HSPH1: variants seen among roughly 807,000 people sequenced by gnomAD.
The protein encoded by HSPH1 is heat shock protein family H (Hsp110) member 1, also known as heat shock protein 105 kDa.
Under a neutral mutation model 100.0 loss-of-function variants are expected in HSPH1, and 40 were observed. That is an observed-to-expected ratio of 0.40 (90% CI 0.31 to 0.52). HSPH1 has a LOEUF of 0.52. Among genes scored for constraint, HSPH1 ranks in the 20% least tolerant of loss-of-function variants. The pLI is 0.54. For synonymous variants in HSPH1, 403 were observed against 344.0 expected (o/e 1.17, Z -1.90); for missense variants, 876 against 1,015.1 (o/e 0.86, Z 1.86).
At chr13:31,155,479 G>A (rs764868487) in intron 3 of HSPH1, 35 bp downstream of exon 3, 23 of 1,523,902 alleles carry the variant, frequency 1.5e-5, no homozygotes, top group Non-Finnish European at 8.1e-6. Flanking sequence ...GTATTAATAA[G>A]TTGGTATTTT....
chr13:31,144,438 A>G (rs1956201666), intron 11 of HSPH1, among the ~76,000 whole-genome samples: 1 of 152,166 alleles, frequency 6.6e-6, no homozygotes, highest in South Asian at 2.1e-4. Context: ...CTCTGTCCCC[A>G]CTTTCTGTGA....
Position 31,140,361 on chromosome 13 carries a change from AATTCT to A in HSPH1, c.1855-57_1855-53del, listed in dbSNP as rs765756707. 4.5e-6 allele frequency: 7 copies of A among 1,557,266 alleles called. No homozygotes were observed. In the South Asian group the frequency reaches 6.9e-5, roughly 15 times the overall value. The stretch of plus-strand genomic sequence containing the variant: ...CCAGTCTTCTAGTTAACTCAAGCTA[AATTCT>A]AAATATGTAGACTCTGGGGTTTAAA... On this transcript the variant is annotated intron_variant, in intron 13 of 17. Transcript: ENST00000320027.
chr13:31,161,934 A>T (rs1003638656), upstream of HSPH1: 7 of 1,532,390 alleles, frequency 4.6e-6, no homozygotes, highest in East Asian at 9.8e-5. Flanking sequence ...CCTCAGCCTT[A>T]TGTATCGCAC....
intron 12 of HSPH1, among the ~76,000 whole-genome samples, chr13:31,143,073 C>A (rs1956153099): frequency 6.6e-6 from 1 of 152,056 alleles, no homozygotes; most frequent in African/African-American, 2.4e-5. Flanking sequence ...AAACTCTACC[C>A]TCAGAATATA....
At position 31,158,867 on chromosome 13, in the gene HSPH1, G is replaced by T. The variant is rs779127108; in HGVS notation, c.108-4C>A. ...TGATCCAAATGATATGACTGACCTA[G>T]AAAAAAATATATTCCAAAAAATTAA... On this transcript the variant is annotated splice_region_variant and splice_polypyrimidine_tract_variant and intron_variant, in intron 1 of 17. Transcript: ENST00000320027. The T allele has an allele frequency of 1.9e-6, 3 of 1,556,974 alleles. No homozygotes were observed. In the East Asian group the frequency reaches 6.7e-5, roughly 35 times the overall value.
chr13:31,145,554 C>T lies in HSPH1; in HGVS notation c.1584+9G>A. ...CTATTCAAACACAAAGGTTTATCCA[C>T]AAACTTACATCAGTGTCTGGGTTTT... On this transcript the variant is annotated intron_variant, in intron 11 of 17. Transcript: ENST00000320027. 6.2e-7 allele frequency: 1 copy of T among 1,609,984 alleles called. No individual in the cohort carries two copies. Among genetic ancestry groups the T allele is most frequent in the East Asian group, 2.2e-5 (1 of 44,852 alleles).
At chr13:31,140,885 T>C (rs2137544916) in intron 13 of HSPH1, 1 of 338,174 alleles carries the variant, frequency 3.0e-6, no homozygotes. Flanking sequence ...TTATGATTTA[T>C]TGCCATCCAA....
In HSPH1 at chr13:31,138,466, T is replaced by C. The variant is rs776081989; in HGVS notation, c.2311A>G (p.Lys771Glu). The change falls in exon 17 of 18, where the codon AAA becomes GAA. Residue 771 changes from lysine (K) to glutamate (E), a missense_variant. Transcript: ENST00000320027. ...ACTGGATCCTGATCAAGACTCTTTT[T>C]AGCCTGAGCATTCATGACATTATTC... ...WMNNVMNAQA[K>E]KSLDQDPVVR... is the part of the protein sequence containing the mutation. 1.4e-5 allele frequency: 22 copies of C among 1,613,198 alleles called. No individual in the cohort carries two copies. The highest frequency in any genetic ancestry group is 1.7e-5 in the Non-Finnish European group (20 of 1,179,510).
intron 17 of HSPH1, among the ~76,000 whole-genome samples, chr13:31,137,811 T>C (rs971201373): frequency 1.2e-4 from 18 of 152,114 alleles, no homozygotes; most frequent in African/African-American, 4.3e-4. Context: ...TGGAAGACAA[T>C]GGTTCAAAGA....
intron 11 of HSPH1, among the ~76,000 whole-genome samples, chr13:31,144,594 T>C (rs1353023042): frequency 6.6e-6 from 1 of 152,166 alleles, no homozygotes; most frequent in Non-Finnish European, 1.5e-5. Flanking sequence ...ATCCCTAATA[T>C]ATTAGTGCTT....
intron 1 of HSPH1, 118 bp downstream of exon 1, chr13:31,161,358 G>C: frequency 6.7e-7 from 1 of 1,484,348 alleles, no homozygotes; most frequent in Admixed American, 2.2e-5. Context: ...GGAGGGGTGC[G>C]CCGCTGCCCA....
intron 2 of HSPH1, among the ~76,000 whole-genome samples, chr13:31,157,780 A>AAT (rs1956751508): frequency 6.6e-6 from 1 of 152,208 alleles, no homozygotes. Context: ...GTAAGTCATA[A>AAT]AGGAGAGCTA....
In HSPH1 at chr13:31,143,843, G is replaced by A. The variant is rs773209218; in HGVS notation, c.1665C>T (p.Pro555=). The part of the protein sequence containing the change: ...QTDAQQTSQS[P]PSPELTSEEN... ...CTTCTGAGGTAAGTTCAGGTGAAGG[G>A]GGAGACTGTGAGGTTTGTTGAGCAT... The change falls in exon 12 of 18, where the codon CCC becomes CCT. Residue 555 remains proline (P), a synonymous_variant. Transcript: ENST00000320027. The A allele has an allele frequency of 1.2e-6, 2 of 1,611,626 alleles. No homozygotes were observed. The highest frequency in any genetic ancestry group is 2.2e-5 in the East Asian group (1 of 44,748).
intron 13 of HSPH1, 198 bp downstream of exon 13, chr13:31,140,924 T>TTA (rs900483575): frequency 1.2e-4 from 47 of 394,398 alleles, no homozygotes; most frequent in African/African-American, 8.5e-4. Flanking sequence ...GCCAATCATG[T>TTA]TATATCAAGC....
chr13:31,161,799 C>G lies in HSPH1; in HGVS notation c.-217G>C. ...AGCGGCGGCTGGCTGATAAGAAACCCTGGGAGAAAGCGGGGCTCAGCCTCC... is the reference window on the plus strand; with the variant it reads ...AGCGGCGGCTGGCTGATAAGAAACCGTGGGAGAAAGCGGGGCTCAGCCTCC... On this transcript the variant is annotated 5_prime_UTR_variant, in exon 1 of 18. Transcript: ENST00000320027. 6.7e-7 allele frequency: 1 copy of G among 1,489,426 alleles called. No homozygotes were observed. Among genetic ancestry groups the G allele is most frequent in the Non-Finnish European group, 8.9e-7 (1 of 1,121,028 alleles). 92.3% of individuals were successfully genotyped at this position (1,489,426 alleles called of 1,614,324 possible).
chr13:31,155,974 C>T (rs556782701), intron 2 of HSPH1, among the ~76,000 whole-genome samples: 1 of 152,144 alleles, frequency 6.6e-6, no homozygotes, highest in Non-Finnish European at 1.5e-5. Flanking sequence ...AAGCTCTGAA[C>T]AAACACACTA....
At chr13:31,141,007 T>A in intron 13 of HSPH1, 115 bp downstream of exon 13, 1 of 644,028 alleles carries the variant, frequency 1.6e-6, no homozygotes, top group Non-Finnish European at 2.4e-6. Flanking sequence ...TCCCTAAAAC[T>A]ATATAAAACT....
In HSPH1 at chr13:31,160,990, A is replaced by C. The variant is rs761221005; in HGVS notation, c.107+486T>G. 2.6e-5 allele frequency among the ~76,000 whole-genome samples: 4 copies of C among 152,222 alleles called. No homozygotes were observed. The South Asian group carries it at 6.2e-4, about 24-fold the overall frequency. ...GTTCATTTCGAGATTCACAATGCGG[A>C]AGAAAAAGGCCGGCAGCCCCGCTCC... is the stretch of plus-strand genomic sequence containing the variant. On this transcript the variant is annotated intron_variant, in intron 1 of 17. Coordinates refer to ENST00000320027, the MANE Select transcript of HSPH1 (RefSeq NM_006644.4).
intron 12 of HSPH1, among the ~76,000 whole-genome samples, chr13:31,142,815 C>T (rs1294246960): frequency 6.6e-6 from 1 of 152,088 alleles, no homozygotes; most frequent in African/African-American, 2.4e-5. Flanking sequence ...GATGTGTATG[C>T]TCATCCCAAG....
Sources: gnomAD v4.1 joint callset for allele counts (sites outside exome capture counted in the v4.1 genomes callset) on GRCh38, gnomAD v4.1.1 for gene constraint, MANE v1.5 for transcripts, NCBI Gene and HGNC (gene_info 2026-07-23, HGNC 2026-07-21) for gene names.